UBA3: variants seen among roughly 807,000 people sequenced by gnomAD.
The protein encoded by UBA3 is NEDD8-activating enzyme E1 catalytic subunit.
In UBA3, 26 loss-of-function variants were observed where a neutral mutation model predicts 73.5. The ratio of observed to expected loss-of-function variants is 0.35; its 90% CI spans 0.26 to 0.49. The LOEUF (loss-of-function observed/expected upper bound fraction) is 0.49. Ranked by LOEUF, UBA3 falls within the 20% of genes least tolerant of loss-of-function variation. UBA3 has a pLI of 0.98. For missense variants in UBA3, 495 were observed against 555.6 expected, an observed-to-expected ratio of 0.89 and a Z score of 1.10; for synonymous variants, 217 against 191.2, an observed-to-expected ratio of 1.13 and a Z score of -1.11.
chr3:69,064,065 T>C lies in UBA3; in HGVS notation c.472+3A>G, dbSNP rs761987141. On this transcript the variant is annotated splice_donor_region_variant and intron_variant, in intron 7 of 17. Coordinates refer to ENST00000361055, the MANE Select transcript of UBA3 (RefSeq NM_003968.4). ...GAGCATTAATTTCAAGTAAAAAACTTACGTCGATAGAAAGTGTCGTTAAAA... is the reference window on the plus strand; with the variant it reads ...GAGCATTAATTTCAAGTAAAAAACTCACGTCGATAGAAAGTGTCGTTAAAA... 5 of 1,603,514 alleles carry C rather than the reference T, an allele frequency of 3.1e-6. No individual in the cohort carries two copies. The highest frequency in any genetic ancestry group is 4.3e-6 in the Non-Finnish European group (5 of 1,176,246).
At chr3:69,076,704 G>A (rs1189898937) in intron 3 of UBA3, among the ~76,000 whole-genome samples, 2 of 151,798 alleles carry the variant, frequency 1.3e-5, no homozygotes, top group African/African-American at 2.4e-5. Flanking sequence ...CTGAGTAGCT[G>A]AAACCAAAGA....
intron 6 of UBA3, among the ~76,000 whole-genome samples, 196 bp from the exon 7 acceptor site, chr3:69,064,307 T>G (rs2092048824): frequency 6.6e-6 from 1 of 152,230 alleles, no homozygotes; most frequent in South Asian, 2.1e-4. Flanking sequence ...ATTCCTCCCC[T>G]AACTACTTAC....
chr3:69,072,256 T>C (rs1376819350), intron 4 of UBA3, among the ~76,000 whole-genome samples: 1 of 152,202 alleles, frequency 6.6e-6, no homozygotes, highest in Non-Finnish European at 1.5e-5. Flanking sequence ...TGCAAAAAAC[T>C]GAAAAAAATA....
chr3:69,064,020 A>T (rs564616265), intron 7 of UBA3, 48 bp downstream of exon 7: 30 of 1,527,030 alleles, frequency 2.0e-5, no homozygotes, highest in African/African-American at 1.8e-4. Flanking sequence ...CTACCAACTA[A>T]AAAATTCTAA....
chr3:69,072,282 C>T (rs1208089650), intron 4 of UBA3, among the ~76,000 whole-genome samples: 2 of 152,190 alleles, frequency 1.3e-5, no homozygotes, highest in African/African-American at 4.8e-5. Flanking sequence ...CAATAACTAA[C>T]TTTTCTGGTC....
At chr3:69,078,907 G>A (rs1438217614) in intron 2 of UBA3, among the ~76,000 whole-genome samples, 1 of 152,132 alleles carries the variant, frequency 6.6e-6, no homozygotes, top group African/African-American at 2.4e-5. Flanking sequence ...AGAATAAGGT[G>A]GGACTCCTCT....
chr3:69,063,725 T>G (rs1168251385), intron 7 of UBA3, among the ~76,000 whole-genome samples: 1 of 151,740 alleles, frequency 6.6e-6, no homozygotes, highest in Non-Finnish European at 1.5e-5. Flanking sequence ...AAAAATAAAG[T>G]TTACTAATTA....
At chr3:69,068,372 C>T (rs904800693) in intron 5 of UBA3, among the ~76,000 whole-genome samples, 2 of 152,094 alleles carry the variant, frequency 1.3e-5, no homozygotes, top group Non-Finnish European at 2.9e-5. Flanking sequence ...TGTTACTCCA[C>T]AGGTCTTGGC....
chr3:69,076,648 GC>G (rs981042514), intron 3 of UBA3: 2 of 152,052 alleles, frequency 1.3e-5, no homozygotes, highest in African/African-American at 2.4e-5. Context: ...GCTCCCTGCA[GC>G]CTCCACCTCC....
chr3:69,080,215 G>C, intron 1 of UBA3, 62 bp from the exon 2 acceptor site: 1 of 1,539,876 alleles, frequency 6.5e-7, no homozygotes, highest in Non-Finnish European at 8.8e-7. Context: ...GCGAGGGGAG[G>C]GGGGCGAGGG....
intron 11 of UBA3, among the ~76,000 whole-genome samples, chr3:69,059,521 A>G (rs541093578): frequency 6.6e-6 from 1 of 152,184 alleles, no homozygotes; most frequent in Non-Finnish European, 1.5e-5. Context: ...CAGACACCTA[A>G]GAGATGAGGA....
At chr3:69,068,564 G>T (rs2092093830) in intron 5 of UBA3, among the ~76,000 whole-genome samples, 1 of 149,468 alleles carries the variant, frequency 6.7e-6, no homozygotes, top group Non-Finnish European at 1.5e-5. Flanking sequence ...AAAAAAAAGA[G>T]GCTGTAACCA....
intron 3 of UBA3, among the ~76,000 whole-genome samples, chr3:69,076,023 C>T (rs939034735): frequency 6.6e-6 from 1 of 152,080 alleles, no homozygotes; most frequent in Non-Finnish European, 1.5e-5. Flanking sequence ...TGAGGTGCCG[C>T]GTCCGGCCAT....
intron 10 of UBA3, 65 bp from the exon 11 acceptor site, chr3:69,061,992 T>C (rs2092026089): frequency 2.1e-6 from 3 of 1,436,024 alleles, no homozygotes; most frequent in South Asian, 1.2e-5. Context: ...CACAAAACAA[T>C]GTTTTTAATG....
rs1355130468 is a variant in UBA3, at chr3:69,066,732, CATTTTAT to C, written c.428+1189_428+1195del. ...CAGGCATGAGCCACCACGCCTGGCT[CATTTTAT>C]ATTTTATATTTACACCTATAATCCA... On this transcript the variant is annotated intron_variant, in intron 6 of 17. Transcript: ENST00000361055. Among the ~76,000 whole-genome samples the C allele has an allele frequency of 7.2e-5, 11 of 152,156 alleles. No homozygotes were observed. The East Asian group carries it at 1.9e-3, about 27-fold the overall frequency.
chr3:69,065,055 G>T (rs757319016), intron 6 of UBA3, among the ~76,000 whole-genome samples: 4 of 152,198 alleles, frequency 2.6e-5, no homozygotes, highest in Admixed American at 6.5e-5. Flanking sequence ...TGCTAGGCAA[G>T]CAGGAGAACG....
In UBA3 at chr3:69,080,339, C is replaced by A; in HGVS notation, c.15G>T (p.Glu5Asp). Residue 5 changes from glutamate to aspartate, a missense_variant, in exon 1 of 18, where the codon GAG becomes GAT. Glu to Asp is a conservative substitution (Grantham distance 45, BLOSUM62 2). Transcript: ENST00000361055. MADG[E>D]EPEKKRRRIE... The stretch of plus-strand genomic sequence containing the variant: ...TGCAGAGCCCCGGTACTTACGGCTC[C>A]TCGCCATCCGCCATATTGTTCTCCG... 2 of 1,598,614 alleles carry A rather than the reference C, an allele frequency of 1.3e-6. No homozygotes were observed. Among genetic ancestry groups the A allele is most frequent in the South Asian group, 1.1e-5 (1 of 89,092 alleles).
intron 10 of UBA3, 55 bp downstream of exon 10, chr3:69,062,022 T>C: frequency 1.4e-6 from 2 of 1,447,630 alleles, no homozygotes; most frequent in South Asian, 1.2e-5. Flanking sequence ...AAAGGAATAA[T>C]ATAGAAAAAA....
chr3:69,057,659 A>C (rs2091985468), intron 11 of UBA3, among the ~76,000 whole-genome samples: 1 of 152,212 alleles, frequency 6.6e-6, no homozygotes, highest in African/African-American at 2.4e-5. Flanking sequence ...CTCTGATTTT[A>C]AACATAAGAA....
Sources: gnomAD v4.1 joint callset for allele counts (sites outside exome capture counted in the v4.1 genomes callset) on GRCh38, gnomAD v4.1.1 for gene constraint, MANE v1.5 for transcripts, NCBI Gene and HGNC (gene_info 2026-07-23, HGNC 2026-07-21) for gene names.